Variants in CSNK2A2IP observed in about 807,000 individuals in gnomAD.
CSNK2A2IP encodes casein kinase II subunit alpha'-interacting protein.
the CSNK2A2IP span, among the ~76,000 whole-genome samples, chr3:88,365,185 T>A: frequency 6.6e-6 from 1 of 152,058 alleles, no homozygotes; most frequent in Non-Finnish European, 1.5e-5. Context: ...GCTGGAAGGA[T>A]TAGAGGATAT....
chr3:88,382,142 G>T, the CSNK2A2IP span, among the ~76,000 whole-genome samples: 1,228 of 152,258 alleles, frequency 8.1e-3, 18 homozygotes, highest in African/African-American at 0.027. Context: ...TGTTCAGTTA[G>T]CCACTACTTG....
chr3:88,439,395 C>T, the CSNK2A2IP span, among the ~76,000 whole-genome samples: 1 of 151,710 alleles, frequency 6.6e-6, no homozygotes, highest in Non-Finnish European at 1.5e-5. Flanking sequence ...CTCTGTAAAC[C>T]TTTTTAGGTT....
the CSNK2A2IP span, among the ~76,000 whole-genome samples, chr3:88,443,895 A>T: frequency 1.3e-5 from 2 of 152,062 alleles, no homozygotes; most frequent in South Asian, 2.1e-4. Context: ...GAGTAATAAA[A>T]AAAAAAATAA....
the CSNK2A2IP span, among the ~76,000 whole-genome samples, chr3:88,381,651 T>G: frequency 6.6e-6 from 1 of 152,188 alleles, no homozygotes; most frequent in Non-Finnish European, 1.5e-5. Flanking sequence ...AGACCCACTG[T>G]GTCTACCTTG....
chr3:88,362,014 G>C, the CSNK2A2IP span, among the ~76,000 whole-genome samples: 1 of 152,018 alleles, frequency 6.6e-6, no homozygotes, highest in African/African-American at 2.4e-5. Flanking sequence ...TTTGAAGTCT[G>C]TCGAGCTTCT....
At chr3:88,414,671 A>G in the CSNK2A2IP span, among the ~76,000 whole-genome samples, 2 of 151,960 alleles carry the variant, frequency 1.3e-5, no homozygotes, top group African/African-American at 4.8e-5. Context: ...ACAATTTTTA[A>G]AATGTTTACA....
the CSNK2A2IP span, among the ~76,000 whole-genome samples, chr3:88,365,080 G>T: frequency 6.6e-6 from 1 of 152,078 alleles, no homozygotes; most frequent in Non-Finnish European, 1.5e-5. Flanking sequence ...TCCAGGATGT[G>T]GATCCAAGCA....
the CSNK2A2IP span, among the ~76,000 whole-genome samples, chr3:88,417,605 C>A: frequency 6.6e-6 from 1 of 152,202 alleles, no homozygotes; most frequent in Admixed American, 6.5e-5. Context: ...CCACTAAGAA[C>A]CAACTATGAG....
the CSNK2A2IP span, among the ~76,000 whole-genome samples, chr3:88,376,287 T>C: frequency 6.6e-6 from 1 of 151,810 alleles, no homozygotes; most frequent in Non-Finnish European, 1.5e-5. Flanking sequence ...TTCCTGCCTT[T>C]CTTATTTATT....
the CSNK2A2IP span, among the ~76,000 whole-genome samples, chr3:88,447,342 G>A: frequency 6.6e-6 from 1 of 152,002 alleles, no homozygotes; most frequent in Admixed American, 6.6e-5. Context: ...GGAGCTAAAT[G>A]TCACTCATAT....
chr3:88,351,462 G>A, the CSNK2A2IP span, among the ~76,000 whole-genome samples: 1 of 151,796 alleles, frequency 6.6e-6, no homozygotes, highest in Non-Finnish European at 1.5e-5. Flanking sequence ...TTCAGACAGA[G>A]GCAAAAGCCC....
the CSNK2A2IP span, among the ~76,000 whole-genome samples, chr3:88,371,994 C>A: frequency 6.6e-6 from 1 of 151,508 alleles, no homozygotes. Context: ...TTCCAATAAA[C>A]AAAAGTTGAG....
chr3:88,389,096 A>G, the CSNK2A2IP span, among the ~76,000 whole-genome samples: 2 of 152,164 alleles, frequency 1.3e-5, no homozygotes, highest in Non-Finnish European at 2.9e-5. Context: ...AATAAGTTAT[A>G]TAACTATATT....
chr3:88,418,465 C>CGCGCGT, the CSNK2A2IP span, among the ~76,000 whole-genome samples: 2 of 62,370 alleles, frequency 3.2e-5, no homozygotes, highest in African/African-American at 1.1e-4. Flanking sequence ...TGTGTGTGTG[C>CGCGCGT]GCGCGGGCGT....
chr3:88,448,590 C>G, the CSNK2A2IP span, among the ~76,000 whole-genome samples: 1 of 152,172 alleles, frequency 6.6e-6, no homozygotes, highest in African/African-American at 2.4e-5. Context: ...CTGAATGGAG[C>G]TAAGGAGCAA....
At chr3:88,464,830 G>C in the CSNK2A2IP span, among the ~76,000 whole-genome samples, 3 of 152,084 alleles carry the variant, frequency 2.0e-5, no homozygotes, top group Non-Finnish European at 4.4e-5. Flanking sequence ...TCTTGGCACT[G>C]TTAGAATATA....
At chr3:88,412,681 G>A in the CSNK2A2IP span, among the ~76,000 whole-genome samples, 6 of 152,052 alleles carry the variant, frequency 3.9e-5, no homozygotes, top group South Asian at 4.1e-4. Flanking sequence ...GGAGCACTTC[G>A]TTGAGTGTAC....
the CSNK2A2IP span, among the ~76,000 whole-genome samples, chr3:88,400,896 A>C: frequency 6.6e-6 from 1 of 152,210 alleles, no homozygotes; most frequent in African/African-American, 2.4e-5. Flanking sequence ...TTCATGATGC[A>C]GAGGGAGAAA....
the CSNK2A2IP span, among the ~76,000 whole-genome samples, chr3:88,442,540 T>G: frequency 6.6e-6 from 1 of 152,136 alleles, no homozygotes; most frequent in Admixed American, 6.6e-5. Flanking sequence ...ATAATAAGAA[T>G]AATAATTTAC....
Sources: allele counts gnomAD v4.1 joint callset (sites outside exome capture counted in the v4.1 genomes callset), GRCh38; gene constraint gnomAD v4.1.1; transcripts MANE v1.5; gene names NCBI Gene and HGNC (gene_info 2026-07-23, HGNC 2026-07-21).